KLHL23: variants seen among roughly 807,000 people sequenced by gnomAD.
KLHL23 encodes kelch like family member 23.
Under a neutral mutation model 48.9 loss-of-function variants are expected in KLHL23, and 33 were observed. That is an observed-to-expected ratio of 0.67 (90% CI 0.51 to 0.90). The LOEUF (loss-of-function observed/expected upper bound fraction) is 0.90. KLHL23 is among the 40% of genes least tolerant of loss of function. The probability of loss-of-function intolerance (pLI) is 0.00; values close to 1 mark genes in which losing one functional copy is unlikely to be tolerated. For synonymous variants in KLHL23, 234 were observed against 231.6 expected, an observed-to-expected ratio of 1.01 and a Z score of -0.09; for missense variants, 608 against 669.6, an observed-to-expected ratio of 0.91 and a Z score of 1.02.
At chr2:169,740,133 G>A (rs1418040768) in intron 2 of KLHL23, among the ~76,000 whole-genome samples, 3 of 152,082 alleles carry the variant, frequency 2.0e-5, no homozygotes, top group Non-Finnish European at 4.4e-5. Context: ...CTTTTTTTGA[G>A]ACAGGGTCTT....
chr2:169,736,731 G>C (rs1324826692), intron 2 of KLHL23, among the ~76,000 whole-genome samples: 1 of 152,178 alleles, frequency 6.6e-6, no homozygotes, highest in Non-Finnish European at 1.5e-5. Context: ...CTCGGTATCT[G>C]TCTGATAAAC....
rs1336501367 is a variant in KLHL23, at chr2:169,749,454, A to G, written c.1399A>G (p.Lys467Glu). The G allele has an allele frequency of 3.7e-6, 6 of 1,612,246 alleles. No individual in the cohort carries two copies. The Admixed American group carries it at 1.0e-4, about 27-fold the overall frequency. Residue 467 changes from lysine (K) to glutamate (E), a missense_variant, in exon 4 of 4, where the codon AAG (lysine) becomes GAG (glutamate). Physicochemically the swap from Lys to Glu is moderately conservative, Grantham distance 56. Transcript: ENST00000392647. ...ATTGTGCTCAGTTCCGTTTGAAAATAAGCTCTATCTAGTCGGCGGACAAAC... is the reference window on the plus strand; with the variant it reads ...ATTGTGCTCAGTTCCGTTTGAAAATGAGCTCTATCTAGTCGGCGGACAAAC... ...YGLCSVPFEN[K>E]LYLVGGQTTI...
rs2105663104 is a variant in KLHL23 at position 169,750,302 on chromosome 2, C to G, written c.*570C>G. 1 of 152,058 alleles carries G rather than the reference C, an allele frequency of 6.6e-6. No homozygotes were observed. 9.4% of individuals were successfully genotyped at this position (152,058 alleles called of 1,614,324 possible). A position where few individuals can be genotyped will look rare whatever the true frequency, so the allele number is the denominator to read the frequency against. Reference sequence around the variant, plus strand: ...ATCAACACTGGGGATAAATCAGAACCATTCTGTGGAATGAAATGTTTCTCA... The same window carrying G: ...ATCAACACTGGGGATAAATCAGAACGATTCTGTGGAATGAAATGTTTCTCA... On this transcript the variant is annotated 3_prime_UTR_variant, in exon 4 of 4. Coordinates refer to ENST00000392647, the MANE Select transcript of KLHL23 (RefSeq NM_144711.6).
At chr2:169,734,936 G>A in intron 1 of KLHL23, 77 bp from the exon 2 acceptor site, 1 of 1,484,490 alleles carries the variant, frequency 6.7e-7, no homozygotes, top group Non-Finnish European at 8.9e-7. Flanking sequence ...TCCGATGATA[G>A]TCAAGTTATT....
chr2:169,737,831 T>C (rs1688555098), intron 2 of KLHL23, among the ~76,000 whole-genome samples: 1 of 152,200 alleles, frequency 6.6e-6, no homozygotes, highest in Non-Finnish European at 1.5e-5. Flanking sequence ...GCCAGGCTGG[T>C]CTTGAACTCC....
chr2:169,744,564 T>A (rs1688749886), intron 3 of KLHL23, among the ~76,000 whole-genome samples: 2 of 148,440 alleles, frequency 1.3e-5, no homozygotes, highest in South Asian at 4.2e-4. Flanking sequence ...TCTGGGTAAT[T>A]TTTTTTTTTT....
At chr2:169,736,999 T>C (rs1688534696) in intron 2 of KLHL23, among the ~76,000 whole-genome samples, 1 of 152,216 alleles carries the variant, frequency 6.6e-6, no homozygotes, top group Non-Finnish European at 1.5e-5. Flanking sequence ...GGTATGATCC[T>C]TGGATGACAG....
At position 169,735,096 on chromosome 2, in the gene KLHL23, A is replaced by T. The variant is rs149597972; in HGVS notation, c.82A>T (p.Thr28Ser). 9.1e-4 allele frequency: 1,470 copies of T among 1,606,668 alleles called. No individual in the cohort carries two copies. The highest frequency in any genetic ancestry group is 1.2e-3 in the Non-Finnish European group (1,383 of 1,178,210). Residue 28 changes from threonine (T) to serine (S), a missense_variant, in exon 2 of 4, where the codon ACA becomes TCA. Physicochemically the swap from Thr to Ser is moderately conservative, Grantham distance 58. Coordinates refer to ENST00000392647, the MANE Select transcript of KLHL23 (RefSeq NM_144711.6). The surrounding 1 kb of genome is among the most constrained non-coding windows in gnomAD (Gnocchi z 4.5). ...HPVDFLDAFR[T>S]FYLDGLFTDI... ...AGTGGATTTTCTGGATGCATTCAGA[A>T]CATTTTACTTGGATGGATTATTTAC...
intron 1 of KLHL23, 68 bp from the exon 2 acceptor site, chr2:169,734,945 T>C (rs909295130): frequency 4.7e-6 from 7 of 1,496,132 alleles, no homozygotes; most frequent in Non-Finnish European, 6.2e-6. Flanking sequence ...AGTCAAGTTA[T>C]TTAGCGTTGA....
chr2:169,734,458 G>A (rs990727010), intron 1 of KLHL23, among the ~76,000 whole-genome samples: 1 of 151,382 alleles, frequency 6.6e-6, no homozygotes, highest in African/African-American at 2.4e-5. Context: ...GCGGGCGCGG[G>A]GGAGGGGGCG....
At chr2:169,738,450 A>T (rs1688567271) in intron 2 of KLHL23, among the ~76,000 whole-genome samples, 1 of 151,788 alleles carries the variant, frequency 6.6e-6, no homozygotes, top group African/African-American at 2.4e-5. Context: ...AAAGGATAAC[A>T]TTTTTTTCAA....
intron 2 of KLHL23, among the ~76,000 whole-genome samples, chr2:169,737,100 C>T (rs1688537103): frequency 6.6e-6 from 1 of 152,208 alleles, no homozygotes; most frequent in African/African-American, 2.4e-5. Flanking sequence ...TTTCCTCTTA[C>T]TTGCTGATGA....
In KLHL23 at chr2:169,741,467, C is replaced by T. The variant is rs1158838939; in HGVS notation, c.1296C>T (p.Thr432=). 6.2e-7 allele frequency: 1 copy of T among 1,613,916 alleles called. No individual in the cohort carries two copies. The highest frequency in any genetic ancestry group is 1.7e-5 in the Admixed American group (1 of 60,010). ...ACTGTGGCTACAGAGGAAGCTGCAC[C>T]TATGACAAAGTTCAGAGCTACAATT... is the stretch of plus-strand genomic sequence containing the variant. The part of the protein sequence containing the change: ...GGHCGYRGSC[T]YDKVQSYNSD... Residue 432 remains threonine, a synonymous_variant, in exon 3 of 4, where the codon ACC becomes ACT. Coordinates refer to ENST00000392647, the MANE Select transcript of KLHL23 (RefSeq NM_144711.6).
chr2:169,735,381 A>C lies in KLHL23; in HGVS notation c.367A>C (p.Lys123Gln), dbSNP rs1433401416. Reference sequence around the variant, plus strand: ...GGATCTGCTACAGTTCCTTTCAGTAAAGAAGGCTTGTGAGCGGTTTTTGGT... The same window carrying C: ...GGATCTGCTACAGTTCCTTTCAGTACAGAAGGCTTGTGAGCGGTTTTTGGT... The part of the protein sequence containing the change: ...AADLLQFLSV[K>Q]KACERFLVRH... Residue 123 changes from lysine to glutamine, a missense_variant, in exon 2 of 4, where the codon AAG (lysine) becomes CAG (glutamine). By Grantham distance (53) the Lys-to-Gln change is moderately conservative. This residue lies in a region of KLHL23 where 419 missense variants were observed against 473.1 expected (regional missense o/e 0.89). Coordinates refer to ENST00000392647, the MANE Select transcript of KLHL23 (RefSeq NM_144711.6). The surrounding 1 kb of genome is among the most constrained non-coding windows in gnomAD (Gnocchi z 4.5). 6.2e-7 allele frequency: 1 copy of C among 1,613,112 alleles called. No homozygotes were observed. The highest frequency in any genetic ancestry group is 1.7e-5 in the Admixed American group (1 of 59,898).
chr2:169,737,291 T>A (rs1688541203), intron 2 of KLHL23, among the ~76,000 whole-genome samples: 1 of 152,230 alleles, frequency 6.6e-6, no homozygotes, highest in South Asian at 2.1e-4. Flanking sequence ...TTGTCCTGAA[T>A]GTCGGTATTG....
Position 169,735,844 on chromosome 2 carries a change from T to C in KLHL23, c.830T>C (p.Ile277Thr). 6.2e-7 allele frequency: 1 copy of C among 1,614,152 alleles called. No homozygotes were observed. Among genetic ancestry groups the C allele is most frequent in the Non-Finnish European group, 8.5e-7 (1 of 1,180,046 alleles). Residue 277 changes from isoleucine to threonine, a missense_variant, in exon 2 of 4, where the codon ATA becomes ACA. Physicochemically the swap from Ile to Thr is moderately conservative, Grantham distance 89. This residue lies in a region of KLHL23 where 419 missense variants were observed against 473.1 expected (regional missense o/e 0.89). Coordinates refer to ENST00000392647, the MANE Select transcript of KLHL23 (RefSeq NM_144711.6). This position sits in a 1 kb window ranked among gnomAD's most constrained non-coding sequence, Gnocchi z 4.5. The stretch of plus-strand genomic sequence containing the variant: ...CAGAGGTCCACAGCCACAATGTATA[T>C]AATTGGAGGCTATTACTGGCATCCT... ...ISQRSTATMYIIGGYYWHPLS... is the reference protein window; with the variant it reads ...ISQRSTATMYTIGGYYWHPLS...
intron 2 of KLHL23, among the ~76,000 whole-genome samples, chr2:169,736,924 T>C (rs1574520263): frequency 6.6e-6 from 1 of 152,324 alleles, no homozygotes; most frequent in East Asian, 1.9e-4. Flanking sequence ...CTTCCCAGGC[T>C]TTTCTGTTTC....
At chr2:169,743,712 G>A (rs966535635) in intron 3 of KLHL23, among the ~76,000 whole-genome samples, 4 of 152,220 alleles carry the variant, frequency 2.6e-5, no homozygotes, top group Non-Finnish European at 5.9e-5. Flanking sequence ...TGAGGCTTGT[G>A]TGCTCCGTTT....
intron 3 of KLHL23, among the ~76,000 whole-genome samples, chr2:169,748,435 G>C (rs80320994): frequency 0.027 from 4,163 of 152,314 alleles, 67 homozygotes; most frequent in East Asian, 0.088. Flanking sequence ...AGGTTTTTAA[G>C]TGTAATTTTA....
Sources: allele counts gnomAD v4.1 joint callset (sites outside exome capture counted in the v4.1 genomes callset), GRCh38; gene constraint gnomAD v4.1.1; regional missense constraint gnomAD v4.1.1; non-coding constraint Gnocchi (gnomAD v3.1); transcripts MANE v1.5; gene names NCBI Gene and HGNC (gene_info 2026-07-23, HGNC 2026-07-21).